Variants in TXLNA observed in about 807,000 individuals in gnomAD.
TXLNA encodes taxilin alpha.
A neutral mutation model predicts 61.4 loss-of-function variants in TXLNA; 9 were observed. That is an observed-to-expected ratio of 0.15 (90% CI 0.09 to 0.26). TXLNA has a LOEUF of 0.26. Ranked by LOEUF, TXLNA falls within the 10% of genes least tolerant of loss-of-function variation. TXLNA has a pLI of 1.00. For missense variants in TXLNA, 565 were observed against 688.8 expected (o/e 0.82, Z 2.01); for synonymous variants, 257 against 267.7 (o/e 0.96, Z 0.39).
At position 32,195,372 on chromosome 1, in the gene TXLNA, C is replaced by A; in HGVS notation, c.*177C>A. ...AGTTTTACGTACATAGGGCATTTTG[C>A]AAGGCCTTGCAAATGCATTTATACC... is the stretch of plus-strand genomic sequence containing the variant. On this transcript the variant is annotated 3_prime_UTR_variant, in exon 11 of 11. Coordinates refer to ENST00000373610, the MANE Select transcript of TXLNA (RefSeq NM_175852.4). 1.6e-6 allele frequency: 1 copy of A among 644,064 alleles called. No individual in the cohort carries two copies. Among genetic ancestry groups the A allele is most frequent in the Non-Finnish European group, 2.7e-6 (1 of 372,722 alleles). 39.9% of individuals were successfully genotyped at this position (644,064 alleles called of 1,614,324 possible). A position where few individuals can be genotyped will look rare whatever the true frequency, so the allele number is the denominator to read the frequency against.
At chr1:32,183,583 T>G (rs1025425545) in intron 3 of TXLNA, among the ~76,000 whole-genome samples, 1 of 137,236 alleles carries the variant, frequency 7.3e-6, no homozygotes, top group African/African-American at 2.8e-5. Flanking sequence ...CCTGCTACCA[T>G]GCCCGGCTAA....
At chr1:32,180,228 C>T (rs1373435323) in intron 1 of TXLNA, 86 bp from the exon 2 acceptor site, 48 of 1,356,272 alleles carry the variant, frequency 3.5e-5, no homozygotes, top group Non-Finnish European at 4.4e-5. Context: ...TTTTAAGAAG[C>T]TTTGTGCGCC....
At chr1:32,187,633 A>G (rs927978041) in intron 4 of TXLNA, among the ~76,000 whole-genome samples, 4 of 152,220 alleles carry the variant, frequency 2.6e-5, no homozygotes, top group Non-Finnish European at 4.4e-5. Context: ...GTGTCCAGCA[A>G]GTTGGGGAAA....
At chr1:32,182,121 T>A (rs982657491) in intron 3 of TXLNA, among the ~76,000 whole-genome samples, 14 of 148,258 alleles carry the variant, frequency 9.4e-5, no homozygotes, top group Non-Finnish European at 1.3e-4. Context: ...TTTTTTTTTT[T>A]AAATAAAGAA....
chr1:32,190,429 CACTT>C (rs919646862), intron 6 of TXLNA, among the ~76,000 whole-genome samples, 180 bp downstream of exon 6: 16 of 152,266 alleles, frequency 1.1e-4, no homozygotes, highest in East Asian at 7.7e-4. Context: ...AGAAGAGACT[CACTT>C]ACAGCCACAC....
chr1:32,194,923 C>T lies in TXLNA; in HGVS notation c.1369C>T (p.Leu457=). The T allele has an allele frequency of 6.2e-7, 1 of 1,612,992 alleles. No homozygotes were observed. The highest frequency in any genetic ancestry group is 2.2e-5 in the East Asian group (1 of 44,886). The change falls in exon 11 of 11, where the codon CTG becomes TTG. Residue 457 remains leucine (L), a synonymous_variant. Transcript: ENST00000373610. ...AEEKTVRDKE[L]EGLQVKIQRL... is the part of the protein sequence containing the mutation. The stretch of plus-strand genomic sequence containing the variant: ...CTAGAAAACAGTCCGGGATAAAGAA[C>T]TGGAGGGCCTGCAGGTAAAAATCCA...
intron 2 of TXLNA, 131 bp downstream of exon 2, chr1:32,180,645 C>T: frequency 8.4e-7 from 1 of 1,192,780 alleles, no homozygotes. Context: ...GTGCTGGGGG[C>T]CGCGGTCCCC....
intron 10 of TXLNA, 91 bp downstream of exon 10, chr1:32,194,251 G>A: frequency 9.7e-7 from 1 of 1,027,452 alleles, no homozygotes; most frequent in Non-Finnish European, 1.5e-6. Context: ...CAGTGACACA[G>A]CTAGCATGAG....
intron 4 of TXLNA, among the ~76,000 whole-genome samples, chr1:32,187,197 C>T (rs973700266): frequency 3.3e-5 from 5 of 152,242 alleles, no homozygotes; most frequent in African/African-American, 7.2e-5. Flanking sequence ...CCACCACTCC[C>T]GGCCTCACTT....
intron 3 of TXLNA, 43 bp downstream of exon 3, chr1:32,181,620 A>G: frequency 1.4e-6 from 2 of 1,464,096 alleles, no homozygotes; most frequent in Non-Finnish European, 9.1e-7. Context: ...GAGGAGAGGG[A>G]GTTTGGACTT....
rs1642629679 is a variant in TXLNA, at chr1:32,180,478, G to A, written c.133G>A (p.Gly45Ser). The change falls in exon 2 of 11, where the codon GGT becomes AGT. Residue 45 changes from glycine to serine, a missense_variant. This residue lies in a region of TXLNA where 192 missense variants were observed against 184.8 expected (regional missense o/e 1.04). Coordinates refer to ENST00000373610, the MANE Select transcript of TXLNA (RefSeq NM_175852.4). Reference protein sequence around the residue: ...SQAAPAVEAEGPGSSQAPRKP... With the variant: ...SQAAPAVEAESPGSSQAPRKP... ...GGCGGCTCCTGCAGTAGAAGCAGAA[G>A]GTCCCGGCAGCAGCCAGGCTCCTCG... is the stretch of plus-strand genomic sequence containing the variant. 1.2e-5 allele frequency: 20 copies of A among 1,610,506 alleles called. No individual in the cohort carries two copies. Among genetic ancestry groups the A allele is most frequent in the Non-Finnish European group, 1.6e-5 (19 of 1,178,428 alleles).
In TXLNA at chr1:32,195,158, A is replaced by G; in HGVS notation, c.1604A>G (p.Gln535Arg). Residue 535 changes from glutamine to arginine, a missense_variant, in exon 11 of 11, where the codon CAG (glutamine) becomes CGG (arginine). Gln to Arg is a conservative substitution (Grantham distance 43, BLOSUM62 1). This residue lies in a region of TXLNA where 373 missense variants were observed against 504.0 expected (regional missense o/e 0.74). Coordinates refer to ENST00000373610, the MANE Select transcript of TXLNA (RefSeq NM_175852.4). Reference sequence around the variant, plus strand: ...GCACCGAGCACAGAAGCATCAGGCCAGACTGGGCCTCAAGAGCCCACCTCC... The same window carrying G: ...GCACCGAGCACAGAAGCATCAGGCCGGACTGGGCCTCAAGAGCCCACCTCC... The part of the protein sequence containing the change: ...PGAPSTEASG[Q>R]TGPQEPTSAR... 1 of 1,609,806 alleles carries G rather than the reference A, an allele frequency of 6.2e-7. No individual in the cohort carries two copies. The highest frequency in any genetic ancestry group is 8.5e-7 in the Non-Finnish European group (1 of 1,178,206).
intron 3 of TXLNA, among the ~76,000 whole-genome samples, chr1:32,182,214 T>C (rs1451300477): frequency 1.3e-5 from 2 of 148,546 alleles, no homozygotes; most frequent in African/African-American, 2.5e-5. Context: ...ACAAAACCCA[T>C]CCGTGGGTTG....
rs950237621 is a variant in TXLNA, at chr1:32,192,569, G to A, written c.1084-88G>A. The A allele has an allele frequency of 3.4e-5, 54 of 1,589,230 alleles. No homozygotes were observed. In the South Asian group the frequency reaches 5.9e-4, roughly 17 times the overall value. Reference sequence around the variant, plus strand: ...TTGAGTACCAGTCTGAGAGCAGGAAGCCTCAGTGGGTCTGGTGCTTGTGGC... The same window carrying A: ...TTGAGTACCAGTCTGAGAGCAGGAAACCTCAGTGGGTCTGGTGCTTGTGGC... On this transcript the variant is annotated intron_variant, in intron 7 of 10. Coordinates refer to ENST00000373610, the MANE Select transcript of TXLNA (RefSeq NM_175852.4). This position sits in a 1 kb window ranked among gnomAD's most constrained non-coding sequence, Gnocchi z 4.2.
chr1:32,185,558 A>ATTTTTTTT (rs755164801), intron 4 of TXLNA, among the ~76,000 whole-genome samples: 1 of 82,796 alleles, frequency 1.2e-5, no homozygotes, highest in Non-Finnish European at 2.5e-5. Context: ...ATGCTAGGCT[A>ATTTTTTTT]TTTTTTTTTT....
chr1:32,191,606 A>G (rs1642908588), intron 6 of TXLNA, among the ~76,000 whole-genome samples: 1 of 152,170 alleles, frequency 6.6e-6, no homozygotes, highest in East Asian at 1.9e-4. Flanking sequence ...AAGGAGGTGC[A>G]GGACTACCAG....
At chr1:32,186,752 G>A (rs1642797120) in intron 4 of TXLNA, among the ~76,000 whole-genome samples, 1 of 152,200 alleles carries the variant, frequency 6.6e-6, no homozygotes, top group African/African-American at 2.4e-5. Context: ...TGGGATGCTG[G>A]AAATTGAGAT....
chr1:32,184,652 T>C, intron 4 of TXLNA, 36 bp downstream of exon 4: 1 of 1,489,462 alleles, frequency 6.7e-7, no homozygotes, highest in Non-Finnish European at 9.3e-7. Context: ...TTCCCTGCGT[T>C]GGGAAAATCA....
intron 6 of TXLNA, among the ~76,000 whole-genome samples, chr1:32,191,959 A>G (rs1301574993): frequency 1.3e-5 from 2 of 152,246 alleles, no homozygotes; most frequent in Non-Finnish European, 2.9e-5. Context: ...GTTTTTGCCC[A>G]TTCTTCCCAT....
Sources: allele counts gnomAD v4.1 joint callset (sites outside exome capture counted in the v4.1 genomes callset), GRCh38; gene constraint gnomAD v4.1.1; regional missense constraint gnomAD v4.1.1; non-coding constraint Gnocchi (gnomAD v3.1); transcripts MANE v1.5; gene names NCBI Gene and HGNC (gene_info 2026-07-23, HGNC 2026-07-21).